The following PTPN23 variants were observed in gnomAD, a reference collection of about 807,000 sequenced individuals.
PTPN23 encodes tyrosine-protein phosphatase non-receptor type 23.
A neutral mutation model predicts 156.3 loss-of-function variants in PTPN23; 72 were observed. The ratio of observed to expected loss-of-function variants is 0.46; its 90% CI spans 0.38 to 0.56. The LOEUF is 0.56. Ranked by LOEUF, PTPN23 falls within the 20% of genes least tolerant of loss-of-function variation. PTPN23 has a pLI of 0.00. For synonymous variants in PTPN23, 957 were observed against 899.6 expected, an observed-to-expected ratio of 1.06 and a Z score of -1.14; for missense variants, 1,974 against 2,171.5, an observed-to-expected ratio of 0.91 and a Z score of 1.81.
intron 2 of PTPN23, among the ~76,000 whole-genome samples, chr3:47,397,511 A>G (rs1021344139): frequency 6.6e-6 from 1 of 152,252 alleles, no homozygotes; most frequent in African/African-American, 2.4e-5. Context: ...TAATGTAGAT[A>G]CATGCCATAG....
At position 47,413,272 on chromosome 3, in the gene PTPN23, C is replaced by G; in HGVS notation, c.*87C>G. ...ACCCAGCAGAGCTTCTCAGTGGGCA[C>G]AGTCTCTTACTCCCATTTCTGCTGC... On this transcript the variant is annotated 3_prime_UTR_variant, in exon 25 of 25. Coordinates refer to ENST00000265562, the MANE Select transcript of PTPN23 (RefSeq NM_015466.4). 1.3e-6 allele frequency: 2 copies of G among 1,497,442 alleles called. No individual in the cohort carries two copies. Among genetic ancestry groups the G allele is most frequent in the Non-Finnish European group, 1.8e-6 (2 of 1,105,426 alleles). 92.8% of individuals were successfully genotyped at this position (1,497,442 alleles called of 1,614,324 possible).
chr3:47,388,406 G>A (rs1306309974), intron 1 of PTPN23, among the ~76,000 whole-genome samples: 1 of 151,932 alleles, frequency 6.6e-6, no homozygotes, highest in Non-Finnish European at 1.5e-5. Flanking sequence ...AGGTCTCACT[G>A]TGTTGCGCAG....
intron 1 of PTPN23, among the ~76,000 whole-genome samples, chr3:47,389,384 G>A (rs1225905108): frequency 1.3e-5 from 2 of 152,196 alleles, no homozygotes; most frequent in Non-Finnish European, 2.9e-5. Flanking sequence ...GCCGAGGTGG[G>A]AGGATAGCTG....
intron 1 of PTPN23, among the ~76,000 whole-genome samples, chr3:47,392,367 G>A (rs1008541584): frequency 2.3e-4 from 35 of 150,840 alleles, no homozygotes; most frequent in African/African-American, 6.1e-4. Flanking sequence ...ATTTTTTTTC[G>A]TAGAGATGGG....
Position 47,410,330 on chromosome 3 carries a change from G to T in PTPN23, c.2532G>T (p.Val844=). ...GATCCTCCCCACAGCATGGCGTGGT[G>T]AGCAGTCCCTATGTGGGGGTAGGGC... The part of the protein sequence containing the change: ...VPRSSPQHGV[V]SSPYVGVGPA... Residue 844 remains valine, a synonymous_variant, in exon 20 of 25, where the codon GTG becomes GTT. Coordinates refer to ENST00000265562, the MANE Select transcript of PTPN23 (RefSeq NM_015466.4). 6.2e-7 allele frequency: 1 copy of T among 1,607,016 alleles called. No individual in the cohort carries two copies.
Position 47,407,786 on chromosome 3 carries a change from G to A in PTPN23, c.1093G>A (p.Ala365Thr). ...CTTTGCCAAACTGGTACCCATGGCTGCCCACGAGGCCTCGTCACTGTACAG... is the reference window on the plus strand; with the variant it reads ...CTTTGCCAAACTGGTACCCATGGCTACCCACGAGGCCTCGTCACTGTACAG... ...DIFAKLVPMA[A>T]HEASSLYSEE... Residue 365 changes from alanine to threonine, a missense_variant, in exon 13 of 25, where the codon GCC (alanine) becomes ACC (threonine). Ala to Thr is a moderately conservative substitution (Grantham distance 58). Coordinates refer to ENST00000265562, the MANE Select transcript of PTPN23 (RefSeq NM_015466.4). This position sits in a 1 kb window ranked among gnomAD's most constrained non-coding sequence, Gnocchi z 4.0. 1 of 1,614,172 alleles carries A rather than the reference G, an allele frequency of 6.2e-7. No homozygotes were observed. The highest frequency in any genetic ancestry group is 8.5e-7 in the Non-Finnish European group (1 of 1,180,022).
At chr3:47,382,406 C>T (rs1030057913) in intron 1 of PTPN23, among the ~76,000 whole-genome samples, 3 of 151,208 alleles carry the variant, frequency 2.0e-5, no homozygotes, top group Non-Finnish European at 4.4e-5. Flanking sequence ...ACCGCAACGT[C>T]AGCCTCCCGG....
chr3:47,390,306 T>G (rs1484332660), intron 1 of PTPN23, among the ~76,000 whole-genome samples: 1 of 152,198 alleles, frequency 6.6e-6, no homozygotes. Context: ...TGTAATCTGG[T>G]AACTCCTTTC....
In PTPN23 at chr3:47,412,671, G is replaced by C. The variant is rs765758674; in HGVS notation, c.4432-35G>C. Reference sequence around the variant, plus strand: ...AAGCTGCTGGGAGAGCCACAGCCTTGGGACTCCCTCTCCTCACTCACTCTG... The same window carrying C: ...AAGCTGCTGGGAGAGCCACAGCCTTCGGACTCCCTCTCCTCACTCACTCTG... On this transcript the variant is annotated intron_variant, in intron 24 of 24. Transcript: ENST00000265562. 2.5e-6 allele frequency: 4 copies of C among 1,602,976 alleles called. No homozygotes were observed. The Admixed American group carries it at 6.7e-5, about 27-fold the overall frequency.
At chr3:47,390,562 C>T (rs1018215005) in intron 1 of PTPN23, among the ~76,000 whole-genome samples, 4 of 152,112 alleles carry the variant, frequency 2.6e-5, no homozygotes, top group Non-Finnish European at 4.4e-5. Context: ...TCATACTTCC[C>T]GCTAGACTGT....
At chr3:47,393,757 ATTTG>A (rs1262686115) in intron 1 of PTPN23, among the ~76,000 whole-genome samples, 6 of 151,380 alleles carry the variant, frequency 4.0e-5, no homozygotes, top group South Asian at 2.1e-4. Flanking sequence ...TCACTTATTT[ATTTG>A]TTTATTTATT....
chr3:47,386,078 A>G (rs1704646356), intron 1 of PTPN23, among the ~76,000 whole-genome samples: 2 of 152,224 alleles, frequency 1.3e-5, no homozygotes, highest in South Asian at 4.1e-4. Flanking sequence ...TGGGCCAGAA[A>G]CAAGAAAGAA....
Position 47,407,708 on chromosome 3 carries a change from G to A in PTPN23, c.1015G>A (p.Val339Met). 6.2e-7 allele frequency: 1 copy of A among 1,614,042 alleles called. No homozygotes were observed. Among genetic ancestry groups the A allele is most frequent in the Non-Finnish European group, 8.5e-7 (1 of 1,179,960 alleles). Residue 339 changes from valine to methionine, a missense_variant, in exon 13 of 25, where the codon GTG (valine) becomes ATG (methionine). Physicochemically the swap from Val to Met is conservative, Grantham distance 21. Coordinates refer to ENST00000265562, the MANE Select transcript of PTPN23 (RefSeq NM_015466.4). This position sits in a 1 kb window ranked among gnomAD's most constrained non-coding sequence, Gnocchi z 4.0. ...TLQPVKGAPL[V>M]KPLPVNPTDP... Reference sequence around the variant, plus strand: ...TCCCACCCCCCCAGGAGCCCCCTTGGTGAAGCCCTTGCCAGTGAACCCCAC... The same window carrying A: ...TCCCACCCCCCCAGGAGCCCCCTTGATGAAGCCCTTGCCAGTGAACCCCAC...
At chr3:47,408,614 C>T in intron 15 of PTPN23, 124 bp downstream of exon 15, 4 of 1,435,096 alleles carry the variant, frequency 2.8e-6, no homozygotes, top group Non-Finnish European at 2.8e-6. Flanking sequence ...TGGGCATCCA[C>T]ACCCACTCCT....
chr3:47,408,753 GCCTGTA>G lies in PTPN23; in HGVS notation c.1331-21_1331-16del. On this transcript the variant is annotated splice_polypyrimidine_tract_variant and intron_variant, in intron 15 of 24. Coordinates refer to ENST00000265562, the MANE Select transcript of PTPN23 (RefSeq NM_015466.4). ...GCCCGGTCAGCCTGCCTCAGGGGCT[GCCTGTA>G]CAATCCACAACCCCAGTGCTGTCAG... 1 of 1,566,178 alleles carries G rather than the reference GCCTGTA, an allele frequency of 6.4e-7. No homozygotes were observed. The highest frequency in any genetic ancestry group is 8.7e-7 in the Non-Finnish European group (1 of 1,154,096).
At position 47,405,294 on chromosome 3, in the gene PTPN23, C is replaced by T. The variant is rs1316492908; in HGVS notation, c.364+213C>T. 5 of 591,134 alleles carry T rather than the reference C, an allele frequency of 8.5e-6. No homozygotes were observed. The highest frequency in any genetic ancestry group is 1.5e-5 in the Non-Finnish European group (5 of 330,864). 36.6% of individuals were successfully genotyped at this position (591,134 alleles called of 1,614,324 possible). A position where few individuals can be genotyped will look rare whatever the true frequency, so the allele number is the denominator to read the frequency against. ...TCTGCTGGGGCGAGGCTCTACTGGG[C>T]TGGCTGCCACACAGAGTTGCCACTG... is the stretch of plus-strand genomic sequence containing the variant. On this transcript the variant is annotated intron_variant, in intron 4 of 24. Transcript: ENST00000265562. The surrounding 1 kb of genome is among the most constrained non-coding windows in gnomAD (Gnocchi z 4.7).
chr3:47,409,648 C>T lies in PTPN23; in HGVS notation c.1950-7C>T, dbSNP rs1439161737. On this transcript the variant is annotated splice_polypyrimidine_tract_variant and splice_region_variant and intron_variant, in intron 18 of 24. Transcript: ENST00000265562. Reference sequence around the variant, plus strand: ...GTTCACCTGGAGCTGGCCCTTCTGCCCACCAGGTGGAACTCCACGCTGCAG... The same window carrying T: ...GTTCACCTGGAGCTGGCCCTTCTGCTCACCAGGTGGAACTCCACGCTGCAG... 1.2e-6 allele frequency: 2 copies of T among 1,612,632 alleles called. No homozygotes were observed. Among genetic ancestry groups the T allele is most frequent in the Admixed American group, 3.3e-5 (2 of 59,928 alleles).
At chr3:47,388,758 G>A (rs1221339013) in intron 1 of PTPN23, among the ~76,000 whole-genome samples, 8 of 145,432 alleles carry the variant, frequency 5.5e-5, no homozygotes, top group East Asian at 4.1e-4. Context: ...TCCGCCTCCC[G>A]TGTTCAAGCG....
At chr3:47,393,572 A>G (rs1704818997) in intron 1 of PTPN23, among the ~76,000 whole-genome samples, 2 of 152,218 alleles carry the variant, frequency 1.3e-5, no homozygotes. Context: ...TCCCGGACAC[A>G]TCTCAGCATG....
Sources: allele counts gnomAD v4.1 joint callset (sites outside exome capture counted in the v4.1 genomes callset), GRCh38; gene constraint gnomAD v4.1.1; non-coding constraint Gnocchi (gnomAD v3.1); transcripts MANE v1.5; gene names NCBI Gene and HGNC (gene_info 2026-07-23, HGNC 2026-07-21).